ASAP1: variants seen among roughly 807,000 people sequenced by gnomAD.
ASAP1 encodes ArfGAP with SH3 domain, ankyrin repeat and PH domain 1.
Under a neutral mutation model 145.2 loss-of-function variants are expected in ASAP1, and 43 were observed. The ratio of observed to expected loss-of-function variants is 0.30; its 90% CI spans 0.23 to 0.38. ASAP1 has a LOEUF of 0.38. Among genes scored for constraint, ASAP1 ranks in the 10% least tolerant of loss-of-function variants. The probability of loss-of-function intolerance (pLI) is 1.00; values close to 1 mark genes in which losing one functional copy is unlikely to be tolerated. For missense variants in ASAP1, 1,018 were observed against 1,355.3 expected (o/e 0.75, Z 3.91); for synonymous variants, 546 against 515.5 (o/e 1.06, Z -0.80).
intron 2 of ASAP1, among the ~76,000 whole-genome samples, chr8:130,398,022 G>A (rs1413568373): frequency 6.6e-6 from 1 of 152,208 alleles, no homozygotes; most frequent in Non-Finnish European, 1.5e-5. Flanking sequence ...GTCAGTCAGA[G>A]GACTAAAGGT....
In ASAP1 at chr8:130,151,333, T is replaced by G. The variant is rs1280635708; in HGVS notation, c.1080+1403A>C. Among the ~76,000 whole-genome samples the G allele has an allele frequency of 2.6e-5, 3 of 116,294 alleles. No homozygotes were observed. The South Asian group carries it at 8.9e-4, about 34-fold the overall frequency. The allele number at this position is 116,294 out of a possible 152,430, so 76.3% of individuals were successfully genotyped here. A position where few individuals can be genotyped will look rare whatever the true frequency, so the allele number is the denominator to read the frequency against. ...TTACAGTGAGCCAAGACTGCACCAC[T>G]GCACTCCAGCCTGGGTGAAAGAGCG... On this transcript the variant is annotated intron_variant, in intron 13 of 29. Transcript: ENST00000518721.
At chr8:130,142,470 A>C (rs1318595093) in intron 13 of ASAP1, among the ~76,000 whole-genome samples, 1 of 152,216 alleles carries the variant, frequency 6.6e-6, no homozygotes, top group African/African-American at 2.4e-5. Flanking sequence ...CTACTTACTC[A>C]TTCATCATAT....
At chr8:130,284,057 C>G (rs6981861) in intron 3 of ASAP1, among the ~76,000 whole-genome samples, 5,288 of 152,244 alleles carry the variant, frequency 0.035, 125 homozygotes, top group Middle Eastern at 0.065. Context: ...TCATCATCAT[C>G]ACATCCGCCT....
chr8:130,404,540 C>CT (rs918278050), intron 1 of ASAP1, among the ~76,000 whole-genome samples: 20 of 152,224 alleles, frequency 1.3e-4, no homozygotes, highest in African/African-American at 4.6e-4. Flanking sequence ...AAATAAGTAT[C>CT]TGTTACTTGC....
intron 1 of ASAP1, among the ~76,000 whole-genome samples, chr8:130,433,398 G>C (rs1176501148): frequency 6.6e-6 from 1 of 152,198 alleles, no homozygotes. Context: ...TCTTGGAAGA[G>C]TAAAGCCCAG....
chr8:130,072,820 T>TGTGTGTGTGTGTGTGTGTGTGTGTGTGC (rs1554816346), intron 27 of ASAP1, among the ~76,000 whole-genome samples: 1 of 22,056 alleles, frequency 4.5e-5, no homozygotes, highest in East Asian at 1.6e-3. Flanking sequence ...TGTGTGTGTG[T>TGTGTGTGTGTGTGTGTGTGTGTGTGTGC]GTGTGCGCGC....
intron 3 of ASAP1, among the ~76,000 whole-genome samples, chr8:130,300,153 C>CACACAGAG (rs1196584279): frequency 0.029 from 2,216 of 76,610 alleles, 86 homozygotes; most frequent in Non-Finnish European, 0.043. Context: ...CACACACACA[C>CACACAGAG]AGAGAGAGAG....
At chr8:130,122,150 C>T (rs1266814775) in intron 18 of ASAP1, among the ~76,000 whole-genome samples, 3 of 152,140 alleles carry the variant, frequency 2.0e-5, no homozygotes, top group Non-Finnish European at 4.4e-5. Flanking sequence ...CTCCCCATTC[C>T]CCACACACTT....
chr8:130,163,018 G>A, intron 11 of ASAP1: 1 of 169,384 alleles, frequency 5.9e-6, no homozygotes, highest in African/African-American at 2.4e-5. Context: ...TTTTCAAATG[G>A]GCCTAACACT....
intron 2 of ASAP1, among the ~76,000 whole-genome samples, chr8:130,390,935 C>CCT (rs1828250063): frequency 7.0e-6 from 1 of 142,708 alleles, no homozygotes; most frequent in Non-Finnish European, 1.5e-5. Context: ...GGTATATATC[C>CCT]CCCGCCCCCC....
rs1291155378 is a variant in ASAP1, at chr8:130,358,840, G to C, written c.60-697C>G. 1.3e-5 allele frequency among the ~76,000 whole-genome samples: 2 copies of C among 151,716 alleles called. No homozygotes were observed. Among genetic ancestry groups the C allele is most frequent in the Non-Finnish European group, 2.9e-5 (2 of 67,884 alleles). ...GCTGCGCGGCACGGGGGCTCCGGAA[G>C]CCCGAGTCCCTGGTTCGCCCCCGGA... On this transcript the variant is annotated intron_variant, in intron 2 of 29. Coordinates refer to ENST00000518721, the MANE Select transcript of ASAP1 (RefSeq NM_018482.4). This position sits in a 1 kb window ranked among gnomAD's most constrained non-coding sequence, Gnocchi z 4.1.
At chr8:130,176,586 C>G (rs1234186119) in intron 9 of ASAP1, among the ~76,000 whole-genome samples, 8 of 152,112 alleles carry the variant, frequency 5.3e-5, no homozygotes, top group Non-Finnish European at 1.2e-4. Context: ...AATCTGGTAA[C>G]AAAATCCTAG....
intron 3 of ASAP1, among the ~76,000 whole-genome samples, chr8:130,255,390 T>A (rs543873022): frequency 6.6e-6 from 1 of 152,350 alleles, no homozygotes. Context: ...ATGTACCTAA[T>A]AAATGTTTTA....
In ASAP1 at chr8:130,128,038, G is replaced by T. The variant is rs565525997; in HGVS notation, c.1270C>A (p.Arg424Ser). ...TTCTCTCCCGCACTCTGCTCTCCAC[G>T]GAAGGCCATGGTTAGGGCCTCTTCT... is the stretch of plus-strand genomic sequence containing the variant. Reference protein sequence around the residue: ...SKEEALTMAFRGEQSAGENSL... With the variant: ...SKEEALTMAFSGEQSAGENSL... The change falls in exon 16 of 30, where the codon CGT becomes AGT. Residue 424 changes from arginine to serine, a missense_variant. Arg to Ser is a moderately radical substitution (Grantham distance 110, BLOSUM62 -1). Transcript: ENST00000518721. 6.2e-7 allele frequency: 1 copy of T among 1,613,374 alleles called. No homozygotes were observed. The highest frequency in any genetic ancestry group is 2.2e-5 in the East Asian group (1 of 44,816).
chr8:130,214,950 G>C (rs1427711423), intron 4 of ASAP1, among the ~76,000 whole-genome samples: 1 of 151,470 alleles, frequency 6.6e-6, no homozygotes, highest in Non-Finnish European at 1.5e-5. Flanking sequence ...TCCCAGGCTG[G>C]AGTGCAATGG....
intron 3 of ASAP1, among the ~76,000 whole-genome samples, chr8:130,352,465 C>T (rs1826058064): frequency 6.6e-6 from 1 of 152,160 alleles, no homozygotes; most frequent in African/African-American, 2.4e-5. Context: ...TTATCAAAGA[C>T]TGATGAGCTC....
chr8:130,322,212 T>C (rs1055672871), intron 3 of ASAP1, among the ~76,000 whole-genome samples: 6 of 151,684 alleles, frequency 4.0e-5, no homozygotes, highest in South Asian at 2.1e-4. Context: ...AGGTATGCAG[T>C]GAAAAATTGC....
chr8:130,334,978 C>T (rs1824941016), intron 3 of ASAP1, among the ~76,000 whole-genome samples: 1 of 152,170 alleles, frequency 6.6e-6, no homozygotes, highest in African/African-American at 2.4e-5. Flanking sequence ...GTCTTCATTG[C>T]CTTCCTGTGC....
chr8:130,150,942 T>C (rs1361308848), intron 13 of ASAP1, among the ~76,000 whole-genome samples: 1 of 152,022 alleles, frequency 6.6e-6, no homozygotes, highest in East Asian at 1.9e-4. Context: ...AGTCAAAGGA[T>C]CAGAAATGTT....
Sources: gnomAD v4.1 joint callset for allele counts (sites outside exome capture counted in the v4.1 genomes callset) on GRCh38, gnomAD v4.1.1 for gene constraint, Gnocchi (gnomAD v3.1) non-coding constraint, MANE v1.5 for transcripts, NCBI Gene and HGNC (gene_info 2026-07-23, HGNC 2026-07-21) for gene names.